The following PSMC1 variants were observed in gnomAD, a reference collection of about 807,000 sequenced individuals.
The protein encoded by PSMC1 is 26S proteasome regulatory subunit 4.
In PSMC1, 5 loss-of-function variants were observed where a neutral mutation model predicts 49.8. The ratio of observed to expected loss-of-function variants is 0.10; its 90% CI spans 0.05 to 0.21. PSMC1 has a LOEUF of 0.21. PSMC1 is among the 10% of genes least tolerant of loss of function. The probability of loss-of-function intolerance (pLI) is 1.00; values close to 1 mark genes in which losing one functional copy is unlikely to be tolerated. For missense variants in PSMC1, 181 were observed against 535.7 expected (o/e 0.34, Z 6.54); for synonymous variants, 155 against 192.1 (o/e 0.81, Z 1.60).
chr14:90,262,511 A>G (rs1311688586), intron 3 of PSMC1, among the ~76,000 whole-genome samples: 1 of 152,178 alleles, frequency 6.6e-6, no homozygotes, highest in Non-Finnish European at 1.5e-5. Flanking sequence ...TGACATATTT[A>G]TCTGTAAAAA....
At chr14:90,257,733 T>G (rs1437261312) in intron 1 of PSMC1, among the ~76,000 whole-genome samples, 1 of 151,948 alleles carries the variant, frequency 6.6e-6, no homozygotes, top group East Asian at 1.9e-4. Flanking sequence ...GCTGCGACTA[T>G]AGGCGCCCGC....
chr14:90,264,229 G>C, intron 6 of PSMC1, 60 bp downstream of exon 6: 1 of 1,597,664 alleles, frequency 6.3e-7, no homozygotes, highest in Non-Finnish European at 8.5e-7. Context: ...TCCCATTTAG[G>C]ATACTTTGCA....
chr14:90,267,361 G>T (rs2139649074), intron 7 of PSMC1: 1 of 152,292 alleles, frequency 6.6e-6, no homozygotes, highest in Non-Finnish European at 1.5e-5. Flanking sequence ...CTCCATGTTG[G>T]TCAGGCTGGT....
rs1566677946 is a variant in PSMC1 at position 90,274,786 on chromosome 14, C to CCACACACA, written c.*2379_*2380insCACACACA. On this transcript the variant is annotated 3_prime_UTR_variant, in exon 11 of 11. Coordinates refer to ENST00000261303, the MANE Select transcript of PSMC1 (RefSeq NM_002802.3). ...ACAGTATAGCCCTTTAAATAGGGAACTACACACACACACACACACACACAC... is the reference window on the plus strand; with the variant it reads ...ACAGTATAGCCCTTTAAATAGGGAACCACACACATACACACACACACACACACACACAC... 16 of 81,562 alleles carry CCACACACA rather than the reference C, an allele frequency of 2.0e-4. No homozygotes were observed. The highest frequency in any genetic ancestry group is 7.9e-4 in the African/African-American group (16 of 20,208). 5.1% of individuals were successfully genotyped at this position (81,562 alleles called of 1,614,324 possible).
chr14:90,266,870 A>G, intron 7 of PSMC1, among the ~76,000 whole-genome samples: 1 of 152,226 alleles, frequency 6.6e-6, no homozygotes, highest in East Asian at 1.9e-4. Context: ...TCTAAAAGCA[A>G]CATCATTGCC....
At chr14:90,269,987 C>T (rs1891620393) in intron 9 of PSMC1, 6 of 547,570 alleles carry the variant, frequency 1.1e-5, no homozygotes, top group Non-Finnish European at 1.9e-5. Context: ...GGTACCAAAG[C>T]AGAGAGAGTT....
At chr14:90,264,850 G>A (rs1891473186) in intron 6 of PSMC1, among the ~76,000 whole-genome samples, 1 of 152,194 alleles carries the variant, frequency 6.6e-6, no homozygotes, top group African/African-American at 2.4e-5. Context: ...AAGGGGAATT[G>A]GGTGTGGTTA....
At position 90,269,261 on chromosome 14, in the gene PSMC1, T is replaced by C. The variant is rs1045382809; in HGVS notation, c.882-136T>C. ...GTGCTGAATTTATTTTTTCCGAGCA[T>C]AATTGAGGGAGTGCCATGTGAGTTG... On this transcript the variant is annotated intron_variant, in intron 8 of 10. Transcript: ENST00000261303. The C allele has an allele frequency of 1.6e-5, 12 of 732,004 alleles. No homozygotes were observed. The African/African-American group carries it at 2.0e-4, about 12-fold the overall frequency. The allele number at this position is 732,004 out of a possible 1,614,324, so 45.3% of individuals were successfully genotyped here.
At chr14:90,264,275 C>A (rs1360309779) in intron 6 of PSMC1, 106 bp downstream of exon 6, 9 of 1,475,650 alleles carry the variant, frequency 6.1e-6, no homozygotes, top group East Asian at 2.3e-5. Flanking sequence ...TTAATCAAAC[C>A]AGTAGCTGAG....
At chr14:90,264,255 T>G (rs1285808505) in intron 6 of PSMC1, 86 bp downstream of exon 6, 2 of 1,555,714 alleles carry the variant, frequency 1.3e-6, no homozygotes, top group African/African-American at 2.8e-5. Flanking sequence ...TTTGTATGTT[T>G]GCTTATTTAT....
At position 90,260,469 on chromosome 14, in the gene PSMC1, C is replaced by T. The variant is rs559018574; in HGVS notation, c.154+258C>T. On this transcript the variant is annotated intron_variant, in intron 3 of 10. Coordinates refer to ENST00000261303, the MANE Select transcript of PSMC1 (RefSeq NM_002802.3). Reference sequence around the variant, plus strand: ...CACCGTGGCGGGGTGCGGTGGTTCACGCCTGTAATCCCAGCACTTTGGGAG... The same window carrying T: ...CACCGTGGCGGGGTGCGGTGGTTCATGCCTGTAATCCCAGCACTTTGGGAG... Among the ~76,000 whole-genome samples the T allele has an allele frequency of 2.6e-5, 4 of 152,210 alleles. No individual in the cohort carries two copies. The South Asian group carries it at 6.2e-4, about 24-fold the overall frequency.
At chr14:90,263,035 G>A (rs772249840) in intron 3 of PSMC1, among the ~76,000 whole-genome samples, 1 of 152,148 alleles carries the variant, frequency 6.6e-6, no homozygotes, top group Non-Finnish European at 1.5e-5. Context: ...TATCTGATGG[G>A]TCAGTAGCTT....
At chr14:90,264,267 A>C in intron 6 of PSMC1, 98 bp downstream of exon 6, 1 of 1,522,782 alleles carries the variant, frequency 6.6e-7, no homozygotes, top group South Asian at 1.2e-5. Context: ...CTTATTTATT[A>C]ATCAAACCAG....
rs1891613283 is a variant in PSMC1 at position 90,269,719 on chromosome 14, G to A, written c.1033+171G>A. 4.7e-6 allele frequency: 3 copies of A among 631,732 alleles called. No homozygotes were observed. In the Admixed American group the frequency reaches 9.6e-5, roughly 20 times the overall value. The allele number at this position is 631,732 out of a possible 1,614,324, so 39.1% of individuals were successfully genotyped here. On this transcript the variant is annotated intron_variant, in intron 9 of 10. Coordinates refer to ENST00000261303, the MANE Select transcript of PSMC1 (RefSeq NM_002802.3). ...TGAGATGAGGGTTAAAACAGAGCAT[G>A]ATATGGTCTGTGCACCTTGGCCCTT...
chr14:90,266,512 G>A (rs926037876), intron 7 of PSMC1, among the ~76,000 whole-genome samples: 2 of 152,214 alleles, frequency 1.3e-5, no homozygotes, highest in Non-Finnish European at 2.9e-5. Context: ...TTATGTTTCA[G>A]AATGGCCGGT....
At chr14:90,263,467 TTC>T in intron 4 of PSMC1, 25 bp downstream of exon 4, 2 of 1,553,170 alleles carry the variant, frequency 1.3e-6, no homozygotes, top group Non-Finnish European at 1.7e-6. Context: ...TACTATCATT[TTC>T]TTTTTTACAA....
chr14:90,263,616 C>T lies in PSMC1; in HGVS notation c.280-46C>T, dbSNP rs375594894. 3.3e-5 allele frequency: 53 copies of T among 1,589,106 alleles called. No homozygotes were observed. The African/African-American group carries it at 6.3e-4, about 19-fold the overall frequency. ...TCTAGCGAACTATCAGGATCATCTA[C>T]TTTGAGGTCTAGTCTGCTTTTTTCC... On this transcript the variant is annotated intron_variant, in intron 4 of 10. Coordinates refer to ENST00000261303, the MANE Select transcript of PSMC1 (RefSeq NM_002802.3).
At chr14:90,270,419 T>C (rs1891631188) in intron 10 of PSMC1, 67 bp downstream of exon 10, 1 of 1,519,432 alleles carries the variant, frequency 6.6e-7, no homozygotes, top group Admixed American at 2.0e-5. Context: ...AGTCTATATG[T>C]GCTCTTGGGA....
At chr14:90,262,139 G>T (rs1159701044) in intron 3 of PSMC1, among the ~76,000 whole-genome samples, 1 of 94,598 alleles carries the variant, frequency 1.1e-5, no homozygotes, top group Non-Finnish European at 2.3e-5. Context: ...TCACACACTG[G>T]GGCCTGTCGT....
Sources: gnomAD v4.1 joint callset for allele counts (sites outside exome capture counted in the v4.1 genomes callset) on GRCh38, gnomAD v4.1.1 for gene constraint, MANE v1.5 for transcripts, NCBI Gene and HGNC (gene_info 2026-07-23, HGNC 2026-07-21) for gene names.